VPS35L: variants seen among roughly 807,000 people sequenced by gnomAD.
The protein encoded by VPS35L is VPS35 endosomal protein sorting factor like, also known as VPS35 endosomal protein-sorting factor-like.
A neutral mutation model predicts 133.0 loss-of-function variants in VPS35L; 83 were observed. That is an observed-to-expected ratio of 0.62 (90% CI 0.52 to 0.75). VPS35L has a LOEUF of 0.75. VPS35L is among the 30% of genes least tolerant of loss of function. The probability of loss-of-function intolerance (pLI) is 0.00; values close to 1 mark genes in which losing one functional copy is unlikely to be tolerated. For missense variants in VPS35L, 1,083 were observed against 1,206.8 expected (o/e 0.90, Z 1.52); for synonymous variants, 423 against 449.9 (o/e 0.94, Z 0.76).
At chr16:19,616,935 T>TAAAGCTGGCTA in intron 14 of VPS35L, 127 bp downstream of exon 14, 1 of 1,375,794 alleles carries the variant, frequency 7.3e-7, no homozygotes, top group Non-Finnish European at 1.0e-6. Context: ...TAGCCAGCCT[T>TAAAGCTGGCTA]TATAGAGGGC....
chr16:19,697,398 G>C (rs906190966), intron 29 of VPS35L, among the ~76,000 whole-genome samples: 1 of 152,126 alleles, frequency 6.6e-6, no homozygotes, highest in African/African-American at 2.4e-5. Context: ...AGTGCGGTGA[G>C]ATCATAGCTC....
At chr16:19,597,287 C>T (rs1972246887) in intron 8 of VPS35L, among the ~76,000 whole-genome samples, 2 of 151,778 alleles carry the variant, frequency 1.3e-5, no homozygotes, top group Non-Finnish European at 2.9e-5. Context: ...AGGCAGATTC[C>T]TTGAGCCCAA....
chr16:19,669,294 G>A lies in VPS35L; in HGVS notation c.2356G>A (p.Val786Ile), dbSNP rs748644296. The A allele has an allele frequency of 2.3e-5, 37 of 1,607,050 alleles. No individual in the cohort carries two copies. The highest frequency in any genetic ancestry group is 3.1e-5 in the Non-Finnish European group (36 of 1,175,102). ...CAATTTCTTTTCTACTTTATTAATA[G>A]TTCCGGTACGTTTCCTCAGCAGAAC... ...LCNFFSTLLI[V>I]PDHPEHGVLF... is the part of the protein sequence containing the mutation. The change falls in exon 27 of 31, where the codon GTT becomes ATT. Residue 786 changes from valine to isoleucine, a missense_variant. Coordinates refer to ENST00000417362, the MANE Select transcript of VPS35L (RefSeq NM_020314.7).
chr16:19,569,473 C>T lies in VPS35L; in HGVS notation c.167C>T (p.Ser56Phe). 1.2e-6 allele frequency: 2 copies of T among 1,607,438 alleles called. No individual in the cohort carries two copies. Among genetic ancestry groups the T allele is most frequent in the Non-Finnish European group, 1.7e-6 (2 of 1,176,978 alleles). ...GTGAACCGGAAAGGAAGCACTTCTT[C>T]CACGTCCTCCTCCTCCTCCAGCTCC... is the stretch of plus-strand genomic sequence containing the variant. ...KKVNRKGSTS[S>F]TSSSSSSSVV... Residue 56 changes from serine to phenylalanine, a missense_variant, in exon 3 of 31, where the codon TCC becomes TTC. By Grantham distance (155) the Ser-to-Phe change is radical (BLOSUM62 -2). Coordinates refer to ENST00000417362, the MANE Select transcript of VPS35L (RefSeq NM_020314.7).
chr16:19,567,362 G>T (rs572878644), intron 2 of VPS35L, among the ~76,000 whole-genome samples: 1 of 152,230 alleles, frequency 6.6e-6, no homozygotes, highest in African/African-American at 2.4e-5. Context: ...AACCAGCATT[G>T]GTGACCTGCT....
At chr16:19,578,218 A>G (rs913073483) in intron 5 of VPS35L, 5 of 446,968 alleles carry the variant, frequency 1.1e-5, no homozygotes, top group Admixed American at 4.9e-5. Context: ...CTTAAAACCT[A>G]AAACATTTGT....
intron 25 of VPS35L, 104 bp downstream of exon 25, chr16:19,650,563 T>A: frequency 1.1e-6 from 1 of 940,140 alleles, no homozygotes; most frequent in Admixed American, 1.9e-5. Context: ...TATGTCATGA[T>A]AAGAATGGTT....
At chr16:19,651,493 C>T (rs1181171940) in intron 25 of VPS35L, among the ~76,000 whole-genome samples, 5 of 152,146 alleles carry the variant, frequency 3.3e-5, no homozygotes, top group African/African-American at 1.2e-4. Flanking sequence ...GTGTGAGCCA[C>T]CGCACCCAGC....
rs1422425825 is a variant in VPS35L, at chr16:19,687,336, A to G, written c.2528-4017A>G. Among the ~76,000 whole-genome samples, 6 of 152,194 alleles carry G rather than the reference A, an allele frequency of 3.9e-5. No homozygotes were observed. In the East Asian group the frequency reaches 1.2e-3, roughly 29 times the overall value. ...CTGGTCCTCAGCAGCAGACATGAGA[A>G]ATTCCTTCACCAGCTGCAGTTTTGC... is the stretch of plus-strand genomic sequence containing the variant. On this transcript the variant is annotated intron_variant, in intron 28 of 30. Transcript: ENST00000417362.
chr16:19,648,610 G>A (rs958464177), intron 24 of VPS35L, among the ~76,000 whole-genome samples: 2 of 152,134 alleles, frequency 1.3e-5, no homozygotes, highest in Non-Finnish European at 2.9e-5. Flanking sequence ...GCTCACACCT[G>A]TAATCCCAGC....
At chr16:19,662,133 G>A (rs1435218498) in intron 26 of VPS35L, among the ~76,000 whole-genome samples, 1 of 152,132 alleles carries the variant, frequency 6.6e-6, no homozygotes, top group African/African-American at 2.4e-5. Flanking sequence ...AGCCCAGGAG[G>A]TCGAGGCAGG....
At chr16:19,597,725 G>A (rs114171449) in intron 8 of VPS35L, among the ~76,000 whole-genome samples, 4,790 of 152,262 alleles carry the variant, frequency 0.031, 254 homozygotes, top group African/African-American at 0.11. Context: ...CCTCAGGACT[G>A]TTGAGGCAGC....
intron 29 of VPS35L, among the ~76,000 whole-genome samples, chr16:19,696,352 G>C (rs897213784): frequency 2.6e-5 from 4 of 152,154 alleles, no homozygotes; most frequent in African/African-American, 9.7e-5. Context: ...TCTTGCTGTT[G>C]GAAAACCCTG....
chr16:19,624,951 C>T (rs1482390704), intron 14 of VPS35L, among the ~76,000 whole-genome samples: 1 of 152,150 alleles, frequency 6.6e-6, no homozygotes, highest in Non-Finnish European at 1.5e-5. Context: ...TGGGCTTGAC[C>T]TTCCCCAAAC....
At position 19,629,831 on chromosome 16, in the gene VPS35L, CTG is replaced by C. The variant is rs1567438503; in HGVS notation, c.1554+14_1554+15del. ...TGCAAGCATTTCACGGTATGTGTGA[CTG>C]TGGTATTGTTTTTGAAAGAATTAGA... On this transcript the variant is annotated intron_variant, in intron 18 of 30. Coordinates refer to ENST00000417362, the MANE Select transcript of VPS35L (RefSeq NM_020314.7). 2.5e-6 allele frequency: 4 copies of C among 1,612,024 alleles called. No homozygotes were observed. The East Asian group carries it at 8.9e-5, about 36-fold the overall frequency.
intron 21 of VPS35L, among the ~76,000 whole-genome samples, chr16:19,642,008 G>A (rs1973803579): frequency 6.6e-6 from 1 of 152,176 alleles, no homozygotes; most frequent in South Asian, 2.1e-4. Context: ...CCAGGAGTTC[G>A]AGAGCAGCCT....
chr16:19,638,483 C>T (rs550632831), intron 20 of VPS35L, among the ~76,000 whole-genome samples: 43 of 152,332 alleles, frequency 2.8e-4, no homozygotes, highest in African/African-American at 1.0e-3. Context: ...TTATCCTATA[C>T]ATACATACCT....
intron 2 of VPS35L, 165 bp from the exon 3 acceptor site, chr16:19,569,259 A>G (rs1476765269): frequency 6.3e-6 from 5 of 789,164 alleles, no homozygotes; most frequent in East Asian, 2.7e-5. Context: ...ATCCTGAGTC[A>G]TGTCCATTTG....
chr16:19,692,529 C>T (rs1387387371), intron 29 of VPS35L, among the ~76,000 whole-genome samples: 1 of 152,204 alleles, frequency 6.6e-6, no homozygotes, highest in Middle Eastern at 3.4e-3. Flanking sequence ...CTACATTGCC[C>T]TCCTCAACCA....
Sources: allele counts gnomAD v4.1 joint callset (sites outside exome capture counted in the v4.1 genomes callset), GRCh38; gene constraint gnomAD v4.1.1; transcripts MANE v1.5; gene names NCBI Gene and HGNC (gene_info 2026-07-23, HGNC 2026-07-21).